FAAH2: variants seen among roughly 807,000 people sequenced by gnomAD.
The protein encoded by FAAH2 is fatty acid amide hydrolase 2, also known as fatty-acid amide hydrolase 2.
A neutral mutation model predicts 36.9 loss-of-function variants in FAAH2; 60 were observed. That is an observed-to-expected ratio of 1.63 (90% CI 1.32 to 2.02). The LOEUF (loss-of-function observed/expected upper bound fraction) is 2.02, where lower values mean the gene tolerates loss of function less well. FAAH2 is among the 30% of genes most tolerant of loss of function. The pLI, the probability that FAAH2 is intolerant of heterozygous loss-of-function variation, is 0.00. For missense variants in FAAH2, 689 were observed against 397.5 expected (o/e 1.73, Z -6.23); for synonymous variants, 214 against 143.8 (o/e 1.49, Z -3.49).
At chrX:57,136,954 T>G in the FAAH2 span, 1 of 871,336 alleles carries the variant, frequency 1.1e-6, no homozygotes, top group Non-Finnish European at 1.5e-6. Flanking sequence ...CCCACTACCC[T>G]CCTGCCCTGA....
intron 3 of FAAH2, among the ~76,000 whole-genome samples, chrX:57,315,066 C>T (rs1602244899): frequency 9.0e-6 from 1 of 111,268 alleles, no homozygotes; most frequent in East Asian, 2.8e-4. Flanking sequence ...TAAGTACAAT[C>T]AGAAATGACA....
intron 2 of FAAH2, among the ~76,000 whole-genome samples, chrX:57,299,306 A>G (rs1280970082): frequency 8.9e-6 from 1 of 112,063 alleles, no homozygotes; most frequent in Non-Finnish European, 1.9e-5. Context: ...TCAACATCGG[A>G]AAACGAATAA....
At chrX:57,270,571 T>A in the FAAH2 span, among the ~76,000 whole-genome samples, 1 of 111,831 alleles carries the variant, frequency 8.9e-6, no homozygotes, top group Non-Finnish European at 1.9e-5. Context: ...AACACCTGTG[T>A]GCAGTTCCCA....
At chrX:57,265,541 C>T in the FAAH2 span, among the ~76,000 whole-genome samples, 2 of 111,339 alleles carry the variant, frequency 1.8e-5, no homozygotes, top group East Asian at 5.7e-4. Context: ...GAAGAGATCC[C>T]CCAGCACAGC....
At chrX:57,476,199 G>T (rs1184841192) in intron 10 of FAAH2, among the ~76,000 whole-genome samples, 1 of 110,739 alleles carries the variant, frequency 9.0e-6, no homozygotes, top group Admixed American at 9.7e-5. Flanking sequence ...TATTTTTCTT[G>T]CCTGATTTCC....
At chrX:57,479,688 T>C (rs1310827776) in intron 10 of FAAH2, among the ~76,000 whole-genome samples, 1 of 111,631 alleles carries the variant, frequency 9.0e-6, no homozygotes. Flanking sequence ...TGAGAGTTTT[T>C]AGCATGAAGA....
intron 2 of FAAH2, among the ~76,000 whole-genome samples, chrX:57,294,579 C>G (rs1569236137): frequency 8.9e-6 from 1 of 112,032 alleles, no homozygotes; most frequent in African/African-American, 3.2e-5. Flanking sequence ...ATCATCATGT[C>G]AAACTTGTTT....
At chrX:57,442,001 C>T (rs753783163) in intron 8 of FAAH2, among the ~76,000 whole-genome samples, 1 of 111,817 alleles carries the variant, frequency 8.9e-6, no homozygotes, top group African/African-American at 3.2e-5. Context: ...TGTTCTTCTA[C>T]ATTTGCTGAA....
chrX:57,456,287 G>A (rs1312333889), intron 10 of FAAH2, among the ~76,000 whole-genome samples: 1 of 112,101 alleles, frequency 8.9e-6, no homozygotes, highest in Non-Finnish European at 1.9e-5. Context: ...TCTTTGAGAT[G>A]CAGTTAAAGC....
the FAAH2 span, among the ~76,000 whole-genome samples, chrX:57,230,835 C>G: frequency 9.0e-6 from 1 of 111,473 alleles, no homozygotes; most frequent in African/African-American, 3.3e-5. Context: ...TATTTTATAA[C>G]TTGTGTCTGA....
chrX:57,384,989 A>G (rs2054975095), intron 7 of FAAH2, among the ~76,000 whole-genome samples: 2 of 111,545 alleles, frequency 1.8e-5, no homozygotes, highest in African/African-American at 6.5e-5. Context: ...AGGGACATGG[A>G]TGAAGCTGGA....
chrX:57,432,626 G>A (rs1160123548), intron 8 of FAAH2, among the ~76,000 whole-genome samples: 1 of 111,422 alleles, frequency 9.0e-6, no homozygotes, highest in African/African-American at 3.3e-5. Flanking sequence ...CCTTATGCCA[G>A]GTTTTTTCAG....
chrX:57,134,723 C>G, the FAAH2 span: 1 of 111,798 alleles, frequency 8.9e-6, no homozygotes, highest in Non-Finnish European at 1.9e-5. Context: ...CTAACCCATC[C>G]TCTACCAAGA....
At chrX:57,462,201 G>A (rs1358980080) in intron 10 of FAAH2, among the ~76,000 whole-genome samples, 2 of 100,613 alleles carry the variant, frequency 2.0e-5, no homozygotes, top group Non-Finnish European at 4.0e-5. Flanking sequence ...AGGACCAGAC[G>A]CATTCACATG....
chrX:57,384,533 T>C (rs1260504506), intron 7 of FAAH2, among the ~76,000 whole-genome samples: 85 of 99,853 alleles, frequency 8.5e-4, no homozygotes, highest in African/African-American at 1.5e-3. Flanking sequence ...CAGACACTTC[T>C]CAAAAGAAGA....
intron 3 of FAAH2, among the ~76,000 whole-genome samples, chrX:57,311,209 G>A (rs1008434249): frequency 2.6e-4 from 29 of 112,020 alleles, no homozygotes; most frequent in African/African-American, 9.4e-4. Flanking sequence ...AAATCACAAG[G>A]AAATGTTTGA....
At chrX:57,136,936 G>T in the FAAH2 span, 2 of 826,095 alleles carry the variant, frequency 2.4e-6, no homozygotes, top group Non-Finnish European at 3.2e-6. Context: ...AAGCGGCCTT[G>T]ACCAGCACCC....
At chrX:57,408,934 T>A (rs2055633585) in intron 7 of FAAH2, among the ~76,000 whole-genome samples, 1 of 111,349 alleles carries the variant, frequency 9.0e-6, no homozygotes, top group Admixed American at 9.6e-5. Context: ...AATGCATTGT[T>A]AGACGATTTT....
chrX:57,292,415 A>G (rs2052011619), intron 1 of FAAH2, 83 bp from the exon 2 acceptor site: 1 of 866,668 alleles, frequency 1.2e-6, no homozygotes, highest in Non-Finnish European at 1.7e-6. Context: ...TGATTAATGT[A>G]CATAGGAGTC....
Sources: gnomAD v4.1 joint callset for allele counts (sites outside exome capture counted in the v4.1 genomes callset) on GRCh38, gnomAD v4.1.1 for gene constraint, MANE v1.5 for transcripts, NCBI Gene and HGNC (gene_info 2026-07-23, HGNC 2026-07-21) for gene names.